Variants in CACNA2D3 observed in about 807,000 individuals in gnomAD.
CACNA2D3 encodes calcium voltage-gated channel auxiliary subunit alpha2delta 3, also known as voltage-dependent calcium channel subunit alpha-2/delta-3.
CACNA2D3 carries 60 observed loss-of-function variants against 160.6 expected under a neutral mutation model. The observed-to-expected ratio is 0.37, with a 90% confidence interval of 0.30 to 0.46. The LOEUF (loss-of-function observed/expected upper bound fraction) is 0.46. Ranked by LOEUF, CACNA2D3 falls within the 20% of genes least tolerant of loss-of-function variation. The pLI is 1.00. For synonymous variants in CACNA2D3, 558 were observed against 492.9 expected (o/e 1.13, Z -1.75); for missense variants, 1,205 against 1,365.0 (o/e 0.88, Z 1.85).
At chr3:54,860,056 T>TCTG (rs980267698) in intron 17 of CACNA2D3, among the ~76,000 whole-genome samples, 7 of 151,114 alleles carry the variant, frequency 4.6e-5, no homozygotes, top group South Asian at 2.1e-4. Context: ...CAAGGATCCC[T>TCTG]CTGCTAAGGA....
At chr3:54,782,797 T>C (rs1377661020) in intron 13 of CACNA2D3, among the ~76,000 whole-genome samples, 2 of 152,106 alleles carry the variant, frequency 1.3e-5, no homozygotes, top group Non-Finnish European at 2.9e-5. Flanking sequence ...ACCAAGAAGC[T>C]TGAGAGGAAA....
At chr3:54,350,968 G>GTTTTTTTTTGTTTTTTTTTTTTTTTTTTT (rs1698543383) in intron 3 of CACNA2D3, among the ~76,000 whole-genome samples, 1 of 56,106 alleles carries the variant, frequency 1.8e-5, no homozygotes, top group Non-Finnish European at 3.5e-5. Flanking sequence ...TCTTGAGTCT[G>GTTTTTTTTTGTTTTTTTTTTTTTTTTTTT]TTTTTTTTTT....
intron 3 of CACNA2D3, among the ~76,000 whole-genome samples, chr3:54,356,185 A>G (rs1698646425): frequency 6.6e-6 from 1 of 152,188 alleles, no homozygotes; most frequent in African/African-American, 2.4e-5. Context: ...GATCAACAAT[A>G]TAGGTTAATT....
intron 17 of CACNA2D3, among the ~76,000 whole-genome samples, chr3:54,867,717 A>G (rs537662972): frequency 1.3e-5 from 2 of 152,276 alleles, no homozygotes; most frequent in South Asian, 4.1e-4. Context: ...CTCTCCAAGT[A>G]GTGGCAGAGA....
chr3:54,503,659 G>A lies in CACNA2D3; in HGVS notation c.544+5G>A. ...CAACGAACATGTACAACAAAGGTAA[G>A]ACTCCCAGCCACTGCTCCTTTTAGA... On this transcript the variant is annotated splice_donor_5th_base_variant and intron_variant, in intron 5 of 37. Transcript: ENST00000474759. The A allele has an allele frequency of 6.2e-7, 1 of 1,613,100 alleles. No homozygotes were observed. The highest frequency in any genetic ancestry group is 8.5e-7 in the Non-Finnish European group (1 of 1,179,256).
At chr3:54,611,452 T>A (rs1000587394) in intron 9 of CACNA2D3, among the ~76,000 whole-genome samples, 2 of 152,236 alleles carry the variant, frequency 1.3e-5, no homozygotes, top group Non-Finnish European at 2.9e-5. Flanking sequence ...TAGGGTCACC[T>A]TAGCCAGGTG....
intron 5 of CACNA2D3, among the ~76,000 whole-genome samples, chr3:54,530,537 G>A (rs148425657): frequency 1.6e-3 from 248 of 152,248 alleles, no homozygotes; most frequent in African/African-American, 5.3e-3. Context: ...TTGGCATCAC[G>A]TATCTTCAAA....
intron 10 of CACNA2D3, among the ~76,000 whole-genome samples, chr3:54,635,671 G>T (rs1054169305): frequency 6.6e-6 from 1 of 151,826 alleles, no homozygotes; most frequent in Non-Finnish European, 1.5e-5. Flanking sequence ...CCTTTTTGGT[G>T]GCTGAGCTTG....
intron 4 of CACNA2D3, among the ~76,000 whole-genome samples, chr3:54,488,604 G>T (rs1701055865): frequency 6.6e-6 from 1 of 152,050 alleles, no homozygotes; most frequent in Non-Finnish European, 1.5e-5. Flanking sequence ...CTGAGCTCCT[G>T]CCGTGTCCTC....
intron 13 of CACNA2D3, among the ~76,000 whole-genome samples, chr3:54,788,604 A>C (rs1702686937): frequency 6.6e-6 from 1 of 152,172 alleles, no homozygotes; most frequent in Admixed American, 6.5e-5. Flanking sequence ...CACACCCCAG[A>C]ATTTCTGAGG....
chr3:54,859,096 C>A (rs969591288), intron 17 of CACNA2D3, among the ~76,000 whole-genome samples: 14 of 152,168 alleles, frequency 9.2e-5, no homozygotes, highest in Non-Finnish European at 1.5e-4. Context: ...GTTCAGTAGA[C>A]CCAACCTCGC....
chr3:54,169,402 T>G (rs1448344213), intron 2 of CACNA2D3, among the ~76,000 whole-genome samples: 1 of 152,004 alleles, frequency 6.6e-6, no homozygotes, highest in African/African-American at 2.4e-5. Flanking sequence ...TCATGGTCCA[T>G]GGAAAGGGAT....
intron 4 of CACNA2D3, among the ~76,000 whole-genome samples, chr3:54,428,208 A>C (rs1251983575): frequency 6.6e-6 from 1 of 152,206 alleles, no homozygotes; most frequent in Admixed American, 6.5e-5. Flanking sequence ...TATAAAACCC[A>C]GGGCTCGGCT....
chr3:54,851,054 G>C (rs920512051), intron 17 of CACNA2D3, among the ~76,000 whole-genome samples: 2 of 152,238 alleles, frequency 1.3e-5, no homozygotes, highest in Non-Finnish European at 2.9e-5. Flanking sequence ...TACGATACGT[G>C]TATCAGTAAC....
At chr3:54,582,464 A>G (rs1344464219) in intron 9 of CACNA2D3, among the ~76,000 whole-genome samples, 1 of 152,246 alleles carries the variant, frequency 6.6e-6, no homozygotes, top group Non-Finnish European at 1.5e-5. Flanking sequence ...AAATTTCTAA[A>G]GTAGACTTCT....
intron 4 of CACNA2D3, among the ~76,000 whole-genome samples, chr3:54,493,403 C>T (rs549148183): frequency 4.3e-4 from 65 of 152,200 alleles, no homozygotes; most frequent in Admixed American, 1.4e-3. Context: ...GAAAGGAATG[C>T]TTGATCAAAA....
At chr3:55,017,829 C>T (rs1703360178) in intron 34 of CACNA2D3, among the ~76,000 whole-genome samples, 1 of 152,144 alleles carries the variant, frequency 6.6e-6, no homozygotes, top group African/African-American at 2.4e-5. Context: ...TGTATCATGA[C>T]CTTTGTCTCA....
intron 17 of CACNA2D3, among the ~76,000 whole-genome samples, chr3:54,864,156 AC>A (rs1699351859): frequency 6.6e-6 from 1 of 152,064 alleles, no homozygotes; most frequent in Non-Finnish European, 1.5e-5. Context: ...ATCCTCCCAT[AC>A]CACAAGGGTT....
chr3:54,795,123 G>A (rs192309539), intron 13 of CACNA2D3, among the ~76,000 whole-genome samples: 181 of 151,564 alleles, frequency 1.2e-3, no homozygotes, highest in African/African-American at 4.2e-3. Context: ...TGTTTCTATT[G>A]CTGTGTCTTC....
Sources: allele counts gnomAD v4.1 joint callset (sites outside exome capture counted in the v4.1 genomes callset), GRCh38; gene constraint gnomAD v4.1.1; transcripts MANE v1.5; gene names NCBI Gene and HGNC (gene_info 2026-07-23, HGNC 2026-07-21).